The following BAZ2B variants were observed in gnomAD, a reference collection of about 807,000 sequenced individuals.
BAZ2B encodes the protein bromodomain adjacent to zinc finger domain protein 2B.
BAZ2B carries 91 observed loss-of-function variants against 246.0 expected under a neutral mutation model. The observed-to-expected ratio is 0.37, with a 90% CI of 0.31 to 0.44. BAZ2B has a LOEUF of 0.44. Among genes scored for constraint, BAZ2B ranks in the 20% least tolerant of loss-of-function variants. BAZ2B has a pLI of 1.00. For missense variants in BAZ2B, 2,332 were observed against 2,533.7 expected, an observed-to-expected ratio of 0.92 and a Z score of 1.71; for synonymous variants, 855 against 860.0, an observed-to-expected ratio of 0.99 and a Z score of 0.10.
chr2:159,600,573 G>A (rs935311083), intron 1 of BAZ2B, among the ~76,000 whole-genome samples: 5 of 152,238 alleles, frequency 3.3e-5, no homozygotes, highest in Admixed American at 2.6e-4. Flanking sequence ...ATCTTGTCCC[G>A]AAATCCACCA....
At chr2:159,653,084 C>A in the BAZ2B span, among the ~76,000 whole-genome samples, 4 of 152,120 alleles carry the variant, frequency 2.6e-5, no homozygotes, top group South Asian at 8.3e-4. Context: ...ATTACAGGCG[C>A]ACGCCACCAT....
Position 159,438,481 on chromosome 2 carries a change from G to A in BAZ2B, c.1115C>T (p.Thr372Ile). ...QAKEESVNKH[T>I]SVIQSTGLVS... is the part of the protein sequence containing the mutation. ...CAATCCCGTAGACTGTATTACACTG[G>A]TGTGTTTGTTCACAGATTCCTCCTT... Residue 372 changes from threonine (T) to isoleucine (I), a missense_variant, in exon 8 of 37, where the codon ACC (threonine) becomes ATC (isoleucine). Thr to Ile is a moderately conservative substitution (Grantham distance 89). Coordinates refer to ENST00000392783, the MANE Select transcript of BAZ2B (RefSeq NM_013450.4). 1.2e-6 allele frequency: 2 copies of A among 1,614,134 alleles called. No individual in the cohort carries two copies. Among genetic ancestry groups the A allele is most frequent in the Non-Finnish European group, 1.7e-6 (2 of 1,180,016 alleles).
chr2:159,552,282 C>T (rs2088373653), intron 2 of BAZ2B, among the ~76,000 whole-genome samples: 1 of 152,044 alleles, frequency 6.6e-6, no homozygotes, highest in Admixed American at 6.5e-5. Context: ...ATAAAGTTAT[C>T]ACTAATATAC....
intron 16 of BAZ2B, among the ~76,000 whole-genome samples, chr2:159,401,812 G>A (rs2065118613): frequency 6.6e-6 from 1 of 151,976 alleles, no homozygotes; most frequent in South Asian, 2.1e-4. Context: ...CCGTTCAAAA[G>A]TCCCAAATTG....
chr2:159,700,588 GGTGC>G, the BAZ2B span, among the ~76,000 whole-genome samples: 22 of 152,236 alleles, frequency 1.4e-4, no homozygotes, highest in African/African-American at 4.8e-4. Flanking sequence ...TGGGACTACA[GGTGC>G]GTGCCACCAC....
intron 16 of BAZ2B, 132 bp downstream of exon 16, chr2:159,404,717 C>A: frequency 3.9e-6 from 3 of 771,134 alleles, no homozygotes; most frequent in East Asian, 5.8e-5. Flanking sequence ...TAGAAGATAG[C>A]AACTTTCTAA....
chr2:159,577,985 G>C (rs1685761414), intron 1 of BAZ2B, among the ~76,000 whole-genome samples: 1 of 152,098 alleles, frequency 6.6e-6, no homozygotes, highest in Admixed American at 6.6e-5. Context: ...GTTTTCACTT[G>C]TCATTAATTA....
At chr2:159,400,518 A>T (rs927246783) in intron 17 of BAZ2B, 81 bp downstream of exon 17, 2 of 810,642 alleles carry the variant, frequency 2.5e-6, no homozygotes, top group Admixed American at 5.1e-5. Flanking sequence ...GTGAGAAAAC[A>T]TGCACGCAAA....
intron 27 of BAZ2B, among the ~76,000 whole-genome samples, chr2:159,365,359 C>T (rs1197283018): frequency 1.3e-5 from 2 of 152,186 alleles, no homozygotes; most frequent in Non-Finnish European, 2.9e-5. Flanking sequence ...ATAAAGGTCC[C>T]TCCACTTTGG....
rs769303479 is a variant in BAZ2B at position 159,386,441 on chromosome 2, A to G, written c.3383T>C (p.Ile1128Thr). 1.9e-6 allele frequency: 3 copies of G among 1,613,514 alleles called. No homozygotes were observed. The highest frequency in any genetic ancestry group is 3.3e-5 in the Admixed American group (2 of 59,892). ...TTGTACTTCACCCATGCTGTCCCCT[A>G]TATTTAGCAATCCCTCTTGAAGAAC... ...LSVLQEGLLN[I>T]GDSMGEVQDL... Residue 1128 changes from isoleucine to threonine, a missense_variant, in exon 22 of 37, where the codon ATA becomes ACA. Physicochemically the swap from Ile to Thr is moderately conservative, Grantham distance 89. Around this residue, in one of 9 missense-constraint regions of BAZ2B, gnomAD observed 328 missense variants for 410.4 expected, o/e 0.80. Coordinates refer to ENST00000392783, the MANE Select transcript of BAZ2B (RefSeq NM_013450.4).
chr2:159,454,955 T>G (rs549716108), intron 3 of BAZ2B, among the ~76,000 whole-genome samples: 1 of 152,270 alleles, frequency 6.6e-6, no homozygotes, highest in Admixed American at 6.5e-5. Context: ...GGCAGAAAAC[T>G]TTTCTAATAC....
At chr2:159,479,558 C>A (rs1396066958) in intron 2 of BAZ2B, among the ~76,000 whole-genome samples, 2 of 152,132 alleles carry the variant, frequency 1.3e-5, no homozygotes, top group Non-Finnish European at 2.9e-5. Flanking sequence ...AATTTATGAT[C>A]AGCCACATGA....
At chr2:159,539,689 A>T (rs2086425995) in intron 2 of BAZ2B, among the ~76,000 whole-genome samples, 1 of 152,242 alleles carries the variant, frequency 6.6e-6, no homozygotes, top group Non-Finnish European at 1.5e-5. Context: ...CAGCCTCAGC[A>T]ACATACTGAG....
the BAZ2B span, among the ~76,000 whole-genome samples, chr2:159,643,510 T>A: frequency 1.5e-4 from 23 of 152,248 alleles, no homozygotes; most frequent in African/African-American, 5.3e-4. Context: ...AGGATCTAAA[T>A]ATTCAGCCCA....
At chr2:159,526,506 T>C (rs946570463) in intron 2 of BAZ2B, among the ~76,000 whole-genome samples, 1 of 152,190 alleles carries the variant, frequency 6.6e-6, no homozygotes, top group Non-Finnish European at 1.5e-5. Context: ...AATGAAATAC[T>C]ATATGGTAGT....
At chr2:159,706,350 C>T in the BAZ2B span, among the ~76,000 whole-genome samples, 4 of 152,130 alleles carry the variant, frequency 2.6e-5, no homozygotes, top group East Asian at 7.7e-4. Flanking sequence ...AATGTGGACA[C>T]GAAAAAAAAT....
At chr2:159,660,391 T>G in the BAZ2B span, among the ~76,000 whole-genome samples, 1 of 152,206 alleles carries the variant, frequency 6.6e-6, no homozygotes, top group Admixed American at 6.5e-5. Context: ...TGTTTCCATC[T>G]TTTGGCCATT....
chr2:159,546,770 T>C (rs927280121), intron 2 of BAZ2B, among the ~76,000 whole-genome samples: 11 of 151,992 alleles, frequency 7.2e-5, no homozygotes, highest in Admixed American at 6.6e-4. Flanking sequence ...TTTAGCCCTC[T>C]TTCTCCCTGT....
Position 159,387,524 on chromosome 2 carries a change from A to G in BAZ2B, c.3217-917T>C, listed in dbSNP as rs144827346. Among the ~76,000 whole-genome samples the G allele has an allele frequency of 1.5e-3, 222 of 152,290 alleles. 1 individual carries two copies. The highest frequency in any genetic ancestry group is 5.3e-3 in the African/African-American group (220 of 41,588). On this transcript the variant is annotated intron_variant, in intron 21 of 36. Coordinates refer to ENST00000392783, the MANE Select transcript of BAZ2B (RefSeq NM_013450.4). The stretch of plus-strand genomic sequence containing the variant: ...CCACTCTGCATTTATTGAGGTAACC[A>G]ATTGAAGACTTTTTCTGTTAATACT...
Sources: gnomAD v4.1 joint callset for allele counts (sites outside exome capture counted in the v4.1 genomes callset) on GRCh38, gnomAD v4.1.1 for gene constraint, gnomAD v4.1.1 regional missense constraint, MANE v1.5 for transcripts, NCBI Gene and HGNC (gene_info 2026-07-23, HGNC 2026-07-21) for gene names.